The following CACNA1B variants were observed in gnomAD, a reference collection of about 807,000 sequenced individuals.
CACNA1B encodes the protein calcium voltage-gated channel subunit alpha1 B.
CACNA1B carries 70 observed loss-of-function variants against 247.2 expected under a neutral mutation model. The ratio of observed to expected loss-of-function variants is 0.28; its 90% CI spans 0.23 to 0.35. CACNA1B has a LOEUF of 0.35. CACNA1B is among the 10% of genes least tolerant of loss of function. The pLI, the probability that CACNA1B is intolerant of heterozygous loss-of-function variation, is 1.00. For synonymous variants in CACNA1B, 1,231 were observed against 1,294.4 expected (o/e 0.95, Z 1.05); for missense variants, 2,367 against 3,197.4 (o/e 0.74, Z 6.26).
In CACNA1B at chr9:137,939,867, C is replaced by T. The variant is rs369052471; in HGVS notation, c.967-12407C>T. Among the ~76,000 whole-genome samples the T allele has an allele frequency of 1.7e-4, 26 of 151,088 alleles. No individual in the cohort carries two copies. In the East Asian group the frequency reaches 3.7e-3, roughly 21 times the overall value. ...ATAAATAAAAAAAAATAAAATTCTT[C>T]GAACTGAATGACAGTAGTGACGCAA... On this transcript the variant is annotated intron_variant, in intron 6 of 46. Transcript: ENST00000371372.
intron 19 of CACNA1B, among the ~76,000 whole-genome samples, chr9:138,024,341 T>C (rs1300794275): frequency 1.3e-5 from 2 of 151,936 alleles, no homozygotes; most frequent in East Asian, 3.9e-4. Flanking sequence ...GGGCCTGGGG[T>C]AACAGTGGTC....
At chr9:138,091,483 G>T (rs1441595540) in intron 36 of CACNA1B, among the ~76,000 whole-genome samples, 1 of 152,142 alleles carries the variant, frequency 6.6e-6, no homozygotes, top group African/African-American at 2.4e-5. Flanking sequence ...TCACTGTAGG[G>T]TGACTATAAT....
chr9:137,944,725 G>A (rs1378847354), intron 6 of CACNA1B, among the ~76,000 whole-genome samples: 1 of 152,136 alleles, frequency 6.6e-6, no homozygotes, highest in African/African-American at 2.4e-5. Flanking sequence ...TTATAGAAAA[G>A]GGGGACTGCA....
Position 137,986,020 on chromosome 9 carries a change from G to C in CACNA1B, c.1770-393G>C, listed in dbSNP as rs979543781. 2.6e-5 allele frequency among the ~76,000 whole-genome samples: 4 copies of C among 152,218 alleles called. No individual in the cohort carries two copies. The highest frequency in any genetic ancestry group is 9.7e-5 in the African/African-American group (4 of 41,446). ...CTGTGGGCTGATGACAACAGTTGTG[G>C]GACTTGCTTCACATGGCACTGGTCT... On this transcript the variant is annotated intron_variant, in intron 13 of 46. Transcript: ENST00000371372. The surrounding 1 kb of genome is among the most constrained non-coding windows in gnomAD (Gnocchi z 6.0).
At chr9:138,001,926 A>C (rs904159792) in intron 15 of CACNA1B, among the ~76,000 whole-genome samples, 5 of 152,306 alleles carry the variant, frequency 3.3e-5, no homozygotes, top group Non-Finnish European at 7.3e-5. Flanking sequence ...GTGTGCAGAG[A>C]GATGTTTATA....
At chr9:138,081,657 A>C (rs529770523) in intron 36 of CACNA1B, among the ~76,000 whole-genome samples, 2 of 151,220 alleles carry the variant, frequency 1.3e-5, no homozygotes, top group Admixed American at 1.3e-4. Flanking sequence ...GAATACATTA[A>C]GTATTTTAGT....
chr9:138,088,275 A>G (rs1412434529), intron 36 of CACNA1B, among the ~76,000 whole-genome samples: 1 of 151,972 alleles, frequency 6.6e-6, no homozygotes, highest in African/African-American at 2.4e-5. Flanking sequence ...AGGCTGAGGC[A>G]GGAGAATTGC....
At position 138,059,225 on chromosome 9, in the gene CACNA1B, C is replaced by A; in HGVS notation, c.4584+36C>A. On this transcript the variant is annotated intron_variant, in intron 30 of 46. Coordinates refer to ENST00000371372, the MANE Select transcript of CACNA1B (RefSeq NM_000718.4). The surrounding 1 kb of genome is among the most constrained non-coding windows in gnomAD (Gnocchi z 4.2). ...TGGTCCCTGCTTTGCCTTTTGACAA[C>A]CTATATTCTGGTTCCCCATCTGTAG... is the stretch of plus-strand genomic sequence containing the variant. The A allele has an allele frequency of 7.7e-7, 1 of 1,301,324 alleles. No homozygotes were observed. Among genetic ancestry groups the A allele is most frequent in the Non-Finnish European group, 1.1e-6 (1 of 900,744 alleles). 80.6% of individuals were successfully genotyped at this position (1,301,324 alleles called of 1,614,324 possible). A position where few individuals can be genotyped will look rare whatever the true frequency, so the allele number is the denominator to read the frequency against.
At position 138,052,808 on chromosome 9, in the gene CACNA1B, G is replaced by A. The variant is rs376381881; in HGVS notation, c.3807+620G>A. Reference sequence around the variant, plus strand: ...CTGGCAGGCAGCTGGGGAAGGCGTCGGAGGCCCACTGGGTCCAGGGAGGAG... The same window carrying A: ...CTGGCAGGCAGCTGGGGAAGGCGTCAGAGGCCCACTGGGTCCAGGGAGGAG... On this transcript the variant is annotated intron_variant, in intron 25 of 46. Coordinates refer to ENST00000371372, the MANE Select transcript of CACNA1B (RefSeq NM_000718.4). This position sits in a 1 kb window ranked among gnomAD's most constrained non-coding sequence, Gnocchi z 5.1. Among the ~76,000 whole-genome samples the A allele has an allele frequency of 6.7e-4, 102 of 152,288 alleles. 2 individuals are homozygous for A. Among genetic ancestry groups the A allele is most frequent in the African/African-American group, 2.2e-3 (93 of 41,564 alleles).
chr9:137,912,059 T>A (rs1319959549), intron 3 of CACNA1B, among the ~76,000 whole-genome samples: 1 of 152,236 alleles, frequency 6.6e-6, no homozygotes, highest in Non-Finnish European at 1.5e-5. Context: ...TATACTTGTG[T>A]TAAAGTGAAA....
At chr9:138,101,984 A>G (rs1427034096) in intron 37 of CACNA1B, among the ~76,000 whole-genome samples, 1 of 152,114 alleles carries the variant, frequency 6.6e-6, no homozygotes, top group Non-Finnish European at 1.5e-5. Context: ...GAGCTGGTGC[A>G]AGGTGGCCCC....
Position 138,123,312 on chromosome 9 carries a change from C to T in CACNA1B, c.*1313C>T, listed in dbSNP as rs1470569634. On this transcript the variant is annotated 3_prime_UTR_variant, in exon 47 of 47. Coordinates refer to ENST00000371372, the MANE Select transcript of CACNA1B (RefSeq NM_000718.4). ...CGGGCACCTGATGCCCAGCACTGTC[C>T]TGGCGCCAGACACAGGGAGCAGGCA... 1.3e-5 allele frequency: 2 copies of T among 152,342 alleles called. No individual in the cohort carries two copies. Among genetic ancestry groups the T allele is most frequent in the African/African-American group, 2.4e-5 (1 of 41,472 alleles). 9.4% of individuals were successfully genotyped at this position (152,342 alleles called of 1,614,324 possible).
At chr9:137,886,811 CT>C (rs1173829169) in intron 3 of CACNA1B, among the ~76,000 whole-genome samples, 15 of 151,880 alleles carry the variant, frequency 9.9e-5, no homozygotes, top group African/African-American at 2.7e-4. Context: ...GAGTGGCGGG[CT>C]TTTTTTCCCC....
At chr9:138,099,239 A>C (rs1268346478) in intron 37 of CACNA1B, among the ~76,000 whole-genome samples, 1 of 152,194 alleles carries the variant, frequency 6.6e-6, no homozygotes, top group East Asian at 1.9e-4. Context: ...GCACGCATGC[A>C]CACAGATGTC....
At chr9:137,936,968 T>G (rs1452648470) in intron 6 of CACNA1B, among the ~76,000 whole-genome samples, 2 of 152,224 alleles carry the variant, frequency 1.3e-5, no homozygotes, top group African/African-American at 2.4e-5. Context: ...TGTGGGCTCT[T>G]TTTTTGGTTC....
intron 19 of CACNA1B, among the ~76,000 whole-genome samples, 167 bp from the exon 20 acceptor site, chr9:138,024,788 C>T (rs1336471120): frequency 6.6e-6 from 1 of 152,180 alleles, no homozygotes; most frequent in African/African-American, 2.4e-5. Context: ...GCACGTGTCA[C>T]CACGCCCAGC....
At position 137,956,500 on chromosome 9, in the gene CACNA1B, A is replaced by T. The variant is rs149136696; in HGVS notation, c.1187-271A>T. 2.9e-3 allele frequency among the ~76,000 whole-genome samples: 437 copies of T among 152,284 alleles called. 3 individuals carry two copies. Among genetic ancestry groups the T allele is most frequent in the African/African-American group, 9.7e-3 (403 of 41,554 alleles). On this transcript the variant is annotated intron_variant, in intron 8 of 46. Transcript: ENST00000371372. ...TGGTGAAACCCCATCTCTACTAAAA[A>T]TACAAAAATTAGCCGGGCATGGTAG...
rs1365696997 is a variant in CACNA1B, at chr9:137,919,672, T to C, written c.966+2241T>C. ...GCTCCTTCAAGCAATGACATCTGGG[T>C]TCTTTGTGGGCGGAAGCCCACGGCC... is the stretch of plus-strand genomic sequence containing the variant. On this transcript the variant is annotated intron_variant, in intron 6 of 46. Coordinates refer to ENST00000371372, the MANE Select transcript of CACNA1B (RefSeq NM_000718.4). The surrounding 1 kb of genome is among the most constrained non-coding windows in gnomAD (Gnocchi z 4.6). Among the ~76,000 whole-genome samples the C allele has an allele frequency of 2.0e-5, 3 of 152,172 alleles. No homozygotes were observed. Among genetic ancestry groups the C allele is most frequent in the African/African-American group, 7.2e-5 (3 of 41,428 alleles).
chr9:137,918,851 G>A (rs942555710), intron 6 of CACNA1B, among the ~76,000 whole-genome samples: 10 of 152,238 alleles, frequency 6.6e-5, no homozygotes, highest in East Asian at 1.9e-4. Context: ...ATTCCTCCTC[G>A]AGTGGGAGTC....
Sources: gnomAD v4.1 joint callset for allele counts (sites outside exome capture counted in the v4.1 genomes callset) on GRCh38, gnomAD v4.1.1 for gene constraint, Gnocchi (gnomAD v3.1) non-coding constraint, MANE v1.5 for transcripts, NCBI Gene and HGNC (gene_info 2026-07-23, HGNC 2026-07-21) for gene names.